GSTZ1: variants seen among roughly 807,000 people sequenced by gnomAD.
GSTZ1 encodes the protein glutathione S-transferase zeta 1.
In GSTZ1, 34 loss-of-function variants were observed where a neutral mutation model predicts 35.9. That is an observed-to-expected ratio of 0.95 (90% CI 0.72 to 1.26). The LOEUF (loss-of-function observed/expected upper bound fraction) is 1.26. GSTZ1 is among the 50% of genes most tolerant of loss of function. GSTZ1 has a pLI of 0.00. For synonymous variants in GSTZ1, 93 were observed against 101.2 expected, an observed-to-expected ratio of 0.92 and a Z score of 0.49; for missense variants, 263 against 271.7, an observed-to-expected ratio of 0.97 and a Z score of 0.23.
intron 7 of GSTZ1, 44 bp downstream of exon 7, chr14:77,329,851 C>T (rs1312898908): frequency 3.5e-6 from 5 of 1,446,098 alleles, no homozygotes; most frequent in Non-Finnish European, 4.9e-6. Context: ...ACAGTGGCTG[C>T]CTCCCTCATG....
chr14:77,324,812 C>A, intron 1 of GSTZ1, 58 bp from the exon 2 acceptor site: 2 of 1,544,714 alleles, frequency 1.3e-6, no homozygotes, highest in Non-Finnish European at 1.8e-6. Context: ...TTGACTCCTC[C>A]CAAGCTGGAG....
chr14:77,331,274 T>C lies in GSTZ1; in HGVS notation c.*79T>C. On this transcript the variant is annotated 3_prime_UTR_variant, in exon 9 of 9. Transcript: ENST00000216465. ...CTGAAGAGGCCTGGAAACGAGAGTC[T>C]TAATTGAGGAGATGGGAGACTCGAA... The C allele has an allele frequency of 6.7e-7, 1 of 1,485,930 alleles. No individual in the cohort carries two copies. The highest frequency in any genetic ancestry group is 9.1e-7 in the Non-Finnish European group (1 of 1,102,520). 92.0% of individuals were successfully genotyped at this position (1,485,930 alleles called of 1,614,324 possible).
In GSTZ1 at chr14:77,324,898, C is replaced by T. The variant is rs1442189570; in HGVS notation, c.44C>T (p.Ser15Phe). 10 of 1,613,964 alleles carry T rather than the reference C, an allele frequency of 6.2e-6. No individual in the cohort carries two copies. Among genetic ancestry groups the T allele is most frequent in the Non-Finnish European group, 8.5e-6 (10 of 1,179,920 alleles). ...ATCCTCTATTCCTATTTCCGAAGCT[C>T]CTGCTCATGGAGAGTTCGAATTGGT... ...KPILYSYFRS[S>F]CSWRVRIALA... The change falls in exon 2 of 9, where the codon TCC becomes TTC. Residue 15 changes from serine to phenylalanine, a missense_variant. By Grantham distance (155) the Ser-to-Phe change is radical. Transcript: ENST00000216465.
rs1323468375 is a variant in GSTZ1, at chr14:77,327,877, GC to G, written c.217-32del. 8 of 1,611,414 alleles carry G rather than the reference GC, an allele frequency of 5.0e-6. No homozygotes were observed. The South Asian group carries it at 8.8e-5, about 18-fold the overall frequency. On this transcript the variant is annotated intron_variant, in intron 4 of 8. Transcript: ENST00000216465. Reference sequence around the variant, plus strand: ...GTCCCCTCTGGTCCAGGGGTCCTGGGCCCTCTCCCTGCCTCACTGCTCCCCT... The same window carrying G: ...GTCCCCTCTGGTCCAGGGGTCCTGGGCCTCTCCCTGCCTCACTGCTCCCCT...
At chr14:77,323,289 GAAAA>G (rs8177547) in intron 1 of GSTZ1, 1 of 151,360 alleles carries the variant, frequency 6.6e-6, no homozygotes, top group Non-Finnish European at 1.5e-5. Flanking sequence ...TTTTTTTAAA[GAAAA>G]AAAACAAACA....
At chr14:77,325,518 C>A (rs1389402774) in intron 2 of GSTZ1, 1 of 153,624 alleles carries the variant, frequency 6.5e-6, no homozygotes, top group African/African-American at 2.4e-5. Context: ...TTACTGTCCC[C>A]ATTGTATAGA....
chr14:77,328,078 ACT>A (rs373137679), intron 5 of GSTZ1, 41 bp downstream of exon 5: 18 of 1,606,360 alleles, frequency 1.1e-5, no homozygotes, highest in African/African-American at 2.7e-5. Flanking sequence ...CACCTGACAC[ACT>A]CTTACACTCA....
intron 1 of GSTZ1, chr14:77,323,785 C>G (rs181284917): frequency 6.6e-6 from 1 of 152,290 alleles, no homozygotes; most frequent in Non-Finnish European, 1.5e-5. Flanking sequence ...GCATATCTGC[C>G]AGCTGTTTTT....
Position 77,330,815 on chromosome 14 carries a change from CTG to C in GSTZ1, c.525-252_525-251del, listed in dbSNP as rs565892571. Among the ~76,000 whole-genome samples the C allele has an allele frequency of 8.1e-4, 123 of 152,254 alleles. 1 individual carries two copies. Among genetic ancestry groups the C allele is most frequent in the South Asian group, 6.2e-3 (30 of 4,828 alleles). ...AGCTTACAACATGGGGGAAGAGAGT[CTG>C]TATATATAAATGCCTAGCACTGGGC... On this transcript the variant is annotated intron_variant, in intron 8 of 8. Coordinates refer to ENST00000216465, the MANE Select transcript of GSTZ1 (RefSeq NM_145870.3).
At chr14:77,322,543 C>G (rs1474736350) in intron 1 of GSTZ1, 4 of 967,202 alleles carry the variant, frequency 4.1e-6, no homozygotes, top group Non-Finnish European at 4.9e-6. Flanking sequence ...CTGCCACACT[C>G]TAGTGGTCAC....
At chr14:77,322,674 C>G (rs1411617004) in intron 1 of GSTZ1, 2 of 985,452 alleles carry the variant, frequency 2.0e-6, no homozygotes, top group Non-Finnish European at 2.4e-6. Context: ...CTTCGAAAGA[C>G]ACTTTCTGCC....
At chr14:77,326,633 C>T in intron 2 of GSTZ1, 7 of 550,108 alleles carry the variant, frequency 1.3e-5, no homozygotes, top group Non-Finnish European at 9.9e-6. Flanking sequence ...GTGAGTGAGG[C>T]AGAGCATCGT....
In GSTZ1 at chr14:77,324,880, A is replaced by G; in HGVS notation, c.26A>G (p.Tyr9Cys). MQAGKPIL[Y>C]SYFRSSCSWR... ...CCTCTCTCTCCTCAGCCCATCCTCT[A>G]TTCCTATTTCCGAAGCTCCTGCTCA... The change falls in exon 2 of 9, where the codon TAT becomes TGT. Residue 9 changes from tyrosine to cysteine, a missense_variant. Tyr to Cys is a radical substitution (Grantham distance 194, BLOSUM62 -2). Transcript: ENST00000216465. 1.9e-6 allele frequency: 3 copies of G among 1,614,052 alleles called. No individual in the cohort carries two copies. Among genetic ancestry groups the G allele is most frequent in the Non-Finnish European group, 2.5e-6 (3 of 1,179,892 alleles).
chr14:77,330,009 C>T, intron 7 of GSTZ1: 1 of 646,212 alleles, frequency 1.5e-6, no homozygotes, highest in South Asian at 1.7e-5. Flanking sequence ...ATGAGGCGGG[C>T]CAGCATCAGT....
chr14:77,331,027 G>A, intron 8 of GSTZ1, 42 bp from the exon 9 acceptor site: 8 of 1,595,790 alleles, frequency 5.0e-6, no homozygotes, highest in South Asian at 1.1e-5. Context: ...GTCTCCCTGT[G>A]TCCCTGAAAA....
At chr14:77,326,743 C>A (rs748139300) in intron 2 of GSTZ1, 95 bp from the exon 3 acceptor site, 1 of 836,288 alleles carries the variant, frequency 1.2e-6, no homozygotes, top group African/African-American at 1.7e-5. Context: ...GAAGCCTCCC[C>A]CTCTTTGGCC....
At chr14:77,321,673 GGAGATA>G (rs1891994125) in intron 1 of GSTZ1, 1 of 364,672 alleles carries the variant, frequency 2.7e-6, no homozygotes. Flanking sequence ...CACAAGGTCA[GGAGATA>G]GAGACCATCC....
intron 1 of GSTZ1, chr14:77,321,582 T>C: frequency 8.4e-7 from 1 of 1,193,674 alleles, no homozygotes; most frequent in South Asian, 1.6e-5. Flanking sequence ...CCAGTAATGT[T>C]TGTATTTTAA....
intron 7 of GSTZ1, chr14:77,330,087 C>G: frequency 1.5e-6 from 1 of 689,450 alleles, no homozygotes; most frequent in Non-Finnish European, 2.7e-6. Context: ...TCTCAACCCA[C>G]AGAGTTGGTT....
Sources: gnomAD v4.1 joint callset for allele counts (sites outside exome capture counted in the v4.1 genomes callset) on GRCh38, gnomAD v4.1.1 for gene constraint, MANE v1.5 for transcripts, NCBI Gene and HGNC (gene_info 2026-07-23, HGNC 2026-07-21) for gene names.